The following FER variants were observed in gnomAD, a reference collection of about 807,000 sequenced individuals.
The protein encoded by FER is tyrosine-protein kinase Fer.
FER carries 63 observed loss-of-function variants against 111.0 expected under a neutral mutation model. The ratio of observed to expected loss-of-function variants is 0.57; its 90% confidence interval spans 0.46 to 0.70. The LOEUF (loss-of-function observed/expected upper bound fraction) is 0.70. Ranked by LOEUF, FER falls within the 30% of genes least tolerant of loss-of-function variation. The probability of loss-of-function intolerance (pLI) is 0.00; values close to 1 mark genes in which losing one functional copy is unlikely to be tolerated. For missense variants in FER, 914 were observed against 954.0 expected, an observed-to-expected ratio of 0.96 and a Z score of 0.55; for synonymous variants, 327 against 313.9, an observed-to-expected ratio of 1.04 and a Z score of -0.44.
chr5:109,155,536 C>A (rs941381032), intron 17 of FER, among the ~76,000 whole-genome samples: 3 of 151,462 alleles, frequency 2.0e-5, no homozygotes, highest in African/African-American at 7.3e-5. Flanking sequence ...TAATTGTAGC[C>A]CAAAGTAAAA....
At chr5:109,021,283 G>T (rs1055431515) in intron 13 of FER, among the ~76,000 whole-genome samples, 2 of 152,022 alleles carry the variant, frequency 1.3e-5, no homozygotes, top group African/African-American at 4.8e-5. Flanking sequence ...GTGAGAACAG[G>T]GACTATAATG....
intron 8 of FER, among the ~76,000 whole-genome samples, chr5:108,872,909 C>A (rs568118655): frequency 6.6e-6 from 1 of 152,208 alleles, no homozygotes; most frequent in African/African-American, 2.4e-5. Flanking sequence ...TATGCCAGAA[C>A]CACAGCTATA....
rs1029527912 is a variant in FER, at chr5:108,940,279, A to G, written c.1237-5851A>G. On this transcript the variant is annotated intron_variant, in intron 10 of 19. Transcript: ENST00000281092. ...ATGGACATTTTAGTGAATAACCATAAAAGATGTTTTTATGTTTTCCTGCTT... is the reference window on the plus strand; with the variant it reads ...ATGGACATTTTAGTGAATAACCATAGAAGATGTTTTTATGTTTTCCTGCTT... Among the ~76,000 whole-genome samples the G allele has an allele frequency of 5.5e-4, 84 of 152,074 alleles. 1 individual carries two copies. The highest frequency in any genetic ancestry group is 5.5e-3 in the Admixed American group (84 of 15,226).
At chr5:108,772,446 CT>C (rs1050040884) in intron 2 of FER, among the ~76,000 whole-genome samples, 4 of 146,906 alleles carry the variant, frequency 2.7e-5, no homozygotes, top group South Asian at 4.3e-4. Context: ...CAGCTGCTTG[CT>C]TTTTTTTTCA....
chr5:109,012,265 A>G (rs183173537), intron 13 of FER, among the ~76,000 whole-genome samples: 30 of 152,352 alleles, frequency 2.0e-4, no homozygotes, highest in African/African-American at 6.3e-4. Flanking sequence ...TAATGTTCAC[A>G]TAGATAAATA....
chr5:108,899,802 CA>C (rs759045022), intron 10 of FER, among the ~76,000 whole-genome samples: 1,698 of 89,960 alleles, frequency 0.019, 18 homozygotes, highest in African/African-American at 0.05. Flanking sequence ...GACTCCATCT[CA>C]AAAAAAAAAA....
chr5:108,810,660 T>C (rs918593507), intron 3 of FER, among the ~76,000 whole-genome samples: 1 of 152,104 alleles, frequency 6.6e-6, no homozygotes, highest in Non-Finnish European at 1.5e-5. Context: ...ACAGGAATGG[T>C]GGGGCAGGTC....
At chr5:109,028,423 AATTG>A (rs1406244199) in intron 13 of FER, among the ~76,000 whole-genome samples, 1 of 152,250 alleles carries the variant, frequency 6.6e-6, no homozygotes, top group African/African-American at 2.4e-5. Context: ...AATTAATTAA[AATTG>A]ATTGCATCAT....
At chr5:108,861,727 G>A (rs150219878) in intron 5 of FER, among the ~76,000 whole-genome samples, 5 of 152,164 alleles carry the variant, frequency 3.3e-5, no homozygotes, top group South Asian at 2.1e-4. Flanking sequence ...AAGATATTTC[G>A]AAGTAAATAG....
chr5:108,814,232 G>C (rs1758050186), intron 3 of FER, among the ~76,000 whole-genome samples: 1 of 152,092 alleles, frequency 6.6e-6, no homozygotes, highest in Admixed American at 6.5e-5. Context: ...CTGTGATTTG[G>C]TAATTTTTCA....
At chr5:108,979,701 G>C (rs566699854) in intron 13 of FER, among the ~76,000 whole-genome samples, 6 of 151,902 alleles carry the variant, frequency 3.9e-5, no homozygotes, top group Admixed American at 1.3e-4. Context: ...CATCTTGTGA[G>C]CCAATTTTTC....
intron 5 of FER, among the ~76,000 whole-genome samples, chr5:108,864,970 T>C (rs927679823): frequency 2.0e-5 from 3 of 152,028 alleles, no homozygotes; most frequent in African/African-American, 7.2e-5. Context: ...TTTCACGATA[T>C]TGATTCTTCC....
At chr5:108,929,600 A>ATT (rs529996209) in intron 10 of FER, among the ~76,000 whole-genome samples, 7 of 147,784 alleles carry the variant, frequency 4.7e-5, no homozygotes, top group East Asian at 2.0e-4. Context: ...GAAGGAGGTG[A>ATT]TTTTTTTTTT....
At chr5:109,133,406 T>C (rs971680108) in intron 17 of FER, among the ~76,000 whole-genome samples, 2 of 152,298 alleles carry the variant, frequency 1.3e-5, no homozygotes, top group African/African-American at 4.8e-5. Flanking sequence ...TGTTAGCTAT[T>C]TCAGGACTTA....
rs543346229 is a variant in FER at position 109,125,194 on chromosome 5, T to G, written c.2048+24675T>G. Among the ~76,000 whole-genome samples the G allele has an allele frequency of 1.9e-3, 285 of 151,956 alleles. 2 individuals are homozygous for G. Among genetic ancestry groups the G allele is most frequent in the African/African-American group, 5.8e-3 (241 of 41,480 alleles). On this transcript the variant is annotated intron_variant, in intron 17 of 19. Coordinates refer to ENST00000281092, the MANE Select transcript of FER (RefSeq NM_005246.4). The stretch of plus-strand genomic sequence containing the variant: ...ATTAAATATTTAGAATTATTATCTG[T>G]TTTTTTTCCTTTTATATACATACAT...
chr5:109,089,033 A>G (rs1777867864), intron 16 of FER, among the ~76,000 whole-genome samples: 1 of 152,214 alleles, frequency 6.6e-6, no homozygotes, highest in Non-Finnish European at 1.5e-5. Context: ...TGTATAATAT[A>G]ATCCCTAAAG....
chr5:108,832,323 G>A (rs4616948), intron 3 of FER, among the ~76,000 whole-genome samples: 29,203 of 152,142 alleles, frequency 0.19, 3,668 homozygotes, highest in African/African-American at 0.35. Flanking sequence ...CAGTTTCAGA[G>A]TGAAGTTGAG....
rs1759531913 is a variant in FER, at chr5:109,193,647, G to T, written c.*6072G>T. 6.6e-6 allele frequency: 1 copy of T among 152,184 alleles called. No individual in the cohort carries two copies. The highest frequency in any genetic ancestry group is 2.4e-5 in the African/African-American group (1 of 41,438). The allele number at this position is 152,184 out of a possible 1,614,324, so 9.4% of individuals were successfully genotyped here. A position where few individuals can be genotyped will look rare whatever the true frequency, so the allele number is the denominator to read the frequency against. Reference sequence around the variant, plus strand: ...TTCTTGAACATCTGCCACATGAGGTGCAGAGAATACTACCAGGTGCTAGTT... The same window carrying T: ...TTCTTGAACATCTGCCACATGAGGTTCAGAGAATACTACCAGGTGCTAGTT... On this transcript the variant is annotated 3_prime_UTR_variant, in exon 20 of 20. Transcript: ENST00000281092.
intron 16 of FER, among the ~76,000 whole-genome samples, chr5:109,065,458 T>A (rs1774970185): frequency 6.6e-6 from 1 of 152,206 alleles, no homozygotes. Flanking sequence ...ATTTTATGCC[T>A]TTTTAATTGT....
Sources: allele counts gnomAD v4.1 joint callset (sites outside exome capture counted in the v4.1 genomes callset), GRCh38; gene constraint gnomAD v4.1.1; transcripts MANE v1.5; gene names NCBI Gene and HGNC (gene_info 2026-07-23, HGNC 2026-07-21).